The following DIP2B variants were observed in gnomAD, a reference collection of about 807,000 sequenced individuals.
DIP2B encodes DIP2 acetate--CoA ligase B (putative).
In DIP2B, 76 loss-of-function variants were observed where a neutral mutation model predicts 198.0. The observed-to-expected ratio is 0.38, with a 90% CI of 0.32 to 0.46. DIP2B has a LOEUF of 0.46. Ranked by LOEUF, DIP2B falls within the 20% of genes least tolerant of loss-of-function variation. The pLI is 0.99. For synonymous variants in DIP2B, 701 were observed against 739.1 expected (o/e 0.95, Z 0.84); for missense variants, 1,559 against 1,978.4 (o/e 0.79, Z 4.02).
At chr12:50,557,361 A>G (rs2139393399) in intron 1 of DIP2B, among the ~76,000 whole-genome samples, 2 of 152,340 alleles carry the variant, frequency 1.3e-5, no homozygotes, top group South Asian at 4.1e-4. Flanking sequence ...TGTGTGGTGC[A>G]TGGACACAGG....
chr12:50,677,343 C>T (rs141951669), intron 7 of DIP2B, among the ~76,000 whole-genome samples: 5 of 152,222 alleles, frequency 3.3e-5, no homozygotes, highest in African/African-American at 7.2e-5. Context: ...AGCATTTGGC[C>T]GGGCGCGGTG....
chr12:50,652,060 A>G (rs893675960), intron 3 of DIP2B, among the ~76,000 whole-genome samples: 1 of 152,032 alleles, frequency 6.6e-6, no homozygotes, highest in Non-Finnish European at 1.5e-5. Flanking sequence ...CACACCTGTA[A>G]TCCCGGCTGT....
rs1277390660 is a variant in DIP2B at position 50,723,639 on chromosome 12, G to A, written c.3288+316G>A. 3.3e-5 allele frequency among the ~76,000 whole-genome samples: 5 copies of A among 152,040 alleles called. No homozygotes were observed. In the East Asian group the frequency reaches 7.7e-4, roughly 23 times the overall value. On this transcript the variant is annotated intron_variant, in intron 27 of 37. Coordinates refer to ENST00000301180, the MANE Select transcript of DIP2B (RefSeq NM_173602.3). ...TGTGGCACTTGCCTGTAGTTCCAGCGACTCAGGAGGCTGAGGTGGGAGGAT... is the reference window on the plus strand; with the variant it reads ...TGTGGCACTTGCCTGTAGTTCCAGCAACTCAGGAGGCTGAGGTGGGAGGAT...
At chr12:50,513,965 A>C (rs1958041093) in intron 1 of DIP2B, among the ~76,000 whole-genome samples, 1 of 151,120 alleles carries the variant, frequency 6.6e-6, no homozygotes, top group South Asian at 2.1e-4. Flanking sequence ...AATTGGTCTG[A>C]TTGTAGTCTC....
At chr12:50,518,620 C>G (rs73117136) in intron 1 of DIP2B, among the ~76,000 whole-genome samples, 6,730 of 152,344 alleles carry the variant, frequency 0.044, 198 homozygotes, top group Non-Finnish European at 0.062. Flanking sequence ...GTTCTAAGCC[C>G]TGTGGTGTTT....
intron 8 of DIP2B, chr12:50,680,339 C>T (rs1939020078): frequency 1.2e-5 from 2 of 166,152 alleles, no homozygotes; most frequent in South Asian, 2.0e-4. Context: ...TATTGTTTTC[C>T]TCCCTTTCAG....
At chr12:50,546,316 G>T (rs1182218877) in intron 1 of DIP2B, among the ~76,000 whole-genome samples, 1 of 152,164 alleles carries the variant, frequency 6.6e-6, no homozygotes. Context: ...TGGGAGTTCC[G>T]TGTTGTGAAA....
intron 21 of DIP2B, among the ~76,000 whole-genome samples, chr12:50,707,745 C>T (rs796999742): frequency 4.6e-5 from 7 of 152,214 alleles, no homozygotes; most frequent in African/African-American, 1.7e-4. Flanking sequence ...CTGCCAGTTT[C>T]TATGAGGTGT....
intron 1 of DIP2B, among the ~76,000 whole-genome samples, chr12:50,625,243 C>G (rs954401886): frequency 6.6e-6 from 1 of 152,124 alleles, no homozygotes; most frequent in South Asian, 2.1e-4. Context: ...CCTTTTAACC[C>G]TACTCTCTAC....
At chr12:50,618,399 C>T (rs2139460423) in intron 1 of DIP2B, among the ~76,000 whole-genome samples, 1 of 152,286 alleles carries the variant, frequency 6.6e-6, no homozygotes, top group South Asian at 2.1e-4. Flanking sequence ...GAAATTACAG[C>T]TTCTGTGTCT....
intron 1 of DIP2B, among the ~76,000 whole-genome samples, chr12:50,514,299 A>G (rs1371437862): frequency 1.3e-5 from 2 of 151,988 alleles, no homozygotes; most frequent in African/African-American, 4.8e-5. Context: ...TCCCAACCTC[A>G]GGTGATCCGC....
chr12:50,654,139 G>C (rs192643025), intron 3 of DIP2B, among the ~76,000 whole-genome samples: 2 of 152,238 alleles, frequency 1.3e-5, no homozygotes, highest in East Asian at 3.9e-4. Flanking sequence ...CTCCCAAAGT[G>C]CTGGGATTAC....
At chr12:50,620,899 A>C (rs1937798995) in intron 1 of DIP2B, among the ~76,000 whole-genome samples, 1 of 152,120 alleles carries the variant, frequency 6.6e-6, no homozygotes, top group Non-Finnish European at 1.5e-5. Flanking sequence ...TCCAGCATAC[A>C]CCAGACAGGA....
intron 1 of DIP2B, among the ~76,000 whole-genome samples, chr12:50,548,596 G>T (rs1958397587): frequency 6.6e-6 from 1 of 152,168 alleles, no homozygotes; most frequent in Admixed American, 6.5e-5. Context: ...CACGGTCTCG[G>T]CTCACTGCAA....
At chr12:50,594,592 A>G (rs1294898824) in intron 1 of DIP2B, among the ~76,000 whole-genome samples, 1 of 152,210 alleles carries the variant, frequency 6.6e-6, no homozygotes, top group South Asian at 2.1e-4. Flanking sequence ...ATTACCTCAT[A>G]TGATATAGTT....
At chr12:50,564,592 T>TATGAACCA (rs1228774169) in intron 1 of DIP2B, among the ~76,000 whole-genome samples, 1 of 152,200 alleles carries the variant, frequency 6.6e-6, no homozygotes, top group Admixed American at 6.5e-5. Context: ...TTATATACCA[T>TATGAACCA]TAAGACCATA....
At position 50,695,258 on chromosome 12, in the gene DIP2B, G is replaced by C; in HGVS notation, c.1720-9G>C. On this transcript the variant is annotated splice_polypyrimidine_tract_variant and intron_variant, in intron 14 of 37. Coordinates refer to ENST00000301180, the MANE Select transcript of DIP2B (RefSeq NM_173602.3). The stretch of plus-strand genomic sequence containing the variant: ...TATTGATTACTTTTCTTCTTTCTTT[G>C]TTTTTCAGAATGTAATGAATAAGAT... 1 of 1,608,918 alleles carries C rather than the reference G, an allele frequency of 6.2e-7. No individual in the cohort carries two copies. The highest frequency in any genetic ancestry group is 8.5e-7 in the Non-Finnish European group (1 of 1,177,602).
chr12:50,549,195 G>A (rs1593599947), intron 1 of DIP2B, among the ~76,000 whole-genome samples: 2 of 151,404 alleles, frequency 1.3e-5, no homozygotes, highest in Non-Finnish European at 2.9e-5. Flanking sequence ...AGGGCTGGGC[G>A]CGGTGGCTCA....
At chr12:50,611,556 C>T (rs1220711955) in intron 1 of DIP2B, among the ~76,000 whole-genome samples, 1 of 152,178 alleles carries the variant, frequency 6.6e-6, no homozygotes, top group African/African-American at 2.4e-5. Flanking sequence ...GAACCAGAAG[C>T]AGCAGCTGAC....
Sources: allele counts gnomAD v4.1 joint callset (sites outside exome capture counted in the v4.1 genomes callset), GRCh38; gene constraint gnomAD v4.1.1; transcripts MANE v1.5; gene names NCBI Gene and HGNC (gene_info 2026-07-23, HGNC 2026-07-21).